The following RFC4 variants were observed in gnomAD, a reference collection of about 807,000 sequenced individuals.
The protein encoded by RFC4 is replication factor C subunit 4, also known as A1 37 kDa subunit.
A neutral mutation model predicts 47.6 loss-of-function variants in RFC4; 38 were observed. The ratio of observed to expected loss-of-function variants is 0.80; its 90% CI spans 0.62 to 1.05. The LOEUF (loss-of-function observed/expected upper bound fraction) is 1.05. Ranked by LOEUF, RFC4 falls within the 50% of genes least tolerant of loss-of-function variation. The pLI is 0.00. For missense variants in RFC4, 489 were observed against 434.0 expected (o/e 1.13, Z -1.13); for synonymous variants, 164 against 150.0 (o/e 1.09, Z -0.68).
chr3:186,801,696 G>GC (rs1722357097), intron 2 of RFC4, among the ~76,000 whole-genome samples: 1 of 133,650 alleles, frequency 7.5e-6, no homozygotes, highest in Non-Finnish European at 1.6e-5. Context: ...GGGTGACAGA[G>GC]GGAGACTCTG....
chr3:186,790,667 C>G (rs1056287982), intron 8 of RFC4, among the ~76,000 whole-genome samples: 5 of 152,184 alleles, frequency 3.3e-5, no homozygotes, highest in Non-Finnish European at 7.3e-5. Flanking sequence ...ATAGCTTGTT[C>G]TGGTCAGTGG....
intron 2 of RFC4, among the ~76,000 whole-genome samples, chr3:186,802,667 C>T (rs532282836): frequency 4.6e-5 from 7 of 152,014 alleles, no homozygotes; most frequent in Non-Finnish European, 1.0e-4. Context: ...GCTTAGTTAA[C>T]TAATCAAAAG....
At position 186,794,794 on chromosome 3, in the gene RFC4, C is replaced by T. The variant is rs376508312; in HGVS notation, c.291-17G>A. 6 of 1,612,712 alleles carry T rather than the reference C, an allele frequency of 3.7e-6. No homozygotes were observed. The highest frequency in any genetic ancestry group is 1.3e-5 in the African/African-American group (1 of 74,824). On this transcript the variant is annotated splice_polypyrimidine_tract_variant and intron_variant, in intron 4 of 10. Coordinates refer to ENST00000296273, the MANE Select transcript of RFC4 (RefSeq NM_002916.5). The stretch of plus-strand genomic sequence containing the variant: ...AGTTCAGGCCTATCTCAAAATGAAA[C>T]AAATATGAAACATAGAGCACAAGTA...
chr3:186,790,651 T>C (rs563679851), intron 8 of RFC4, among the ~76,000 whole-genome samples: 14 of 152,238 alleles, frequency 9.2e-5, no homozygotes, highest in African/African-American at 3.4e-4. Context: ...TGGGCACACA[T>C]GGATTATAGC....
rs1370969337 is a variant in RFC4, at chr3:186,804,788, T to G, written c.-11-64A>C. 2.0e-6 allele frequency: 3 copies of G among 1,513,304 alleles called. No homozygotes were observed. In the African/African-American group the frequency reaches 4.2e-5, roughly 21 times the overall value. The allele number at this position is 1,513,304 out of a possible 1,614,324, so 93.7% of individuals were successfully genotyped here. ...AAACTTTTATTGCGAATCAGCACCA[T>G]AGGAAAGCGGGGGTGGTGGTGGGGA... On this transcript the variant is annotated intron_variant, in intron 1 of 10. Transcript: ENST00000296273.
intron 3 of RFC4, among the ~76,000 whole-genome samples, chr3:186,799,543 T>A (rs1010176274): frequency 6.6e-6 from 1 of 152,074 alleles, no homozygotes; most frequent in Non-Finnish European, 1.5e-5. Context: ...CTAAACACCA[T>A]CTCTACTAAA....
intron 2 of RFC4, among the ~76,000 whole-genome samples, chr3:186,804,331 A>G (rs1414475322): frequency 1.3e-5 from 2 of 152,110 alleles, no homozygotes; most frequent in African/African-American, 2.4e-5. Context: ...TCTGTATCCC[A>G]GCCCCTAAAA....
intron 4 of RFC4, among the ~76,000 whole-genome samples, chr3:186,797,085 C>T (rs1178917164): frequency 6.6e-6 from 1 of 152,162 alleles, no homozygotes; most frequent in African/African-American, 2.4e-5. Context: ...GGACTGGCCA[C>T]TCCAGAGTCA....
At chr3:186,791,921 T>G in intron 7 of RFC4, 71 bp from the exon 8 acceptor site, 1 of 1,358,728 alleles carries the variant, frequency 7.4e-7, no homozygotes, top group Non-Finnish European at 1.0e-6. Context: ...TTTAAAATGT[T>G]TAATAAAAGT....
intron 4 of RFC4, 186 bp from the exon 5 acceptor site, chr3:186,794,963 C>T (rs1722213993): frequency 3.4e-6 from 2 of 592,498 alleles, no homozygotes; most frequent in Admixed American, 3.5e-5. Flanking sequence ...TTTTTCCATG[C>T]ATTTAAAAAA....
intron 3 of RFC4, among the ~76,000 whole-genome samples, chr3:186,799,623 G>A (rs1722310528): frequency 1.3e-5 from 2 of 152,056 alleles, no homozygotes; most frequent in Non-Finnish European, 2.9e-5. Flanking sequence ...TGAGGTGGGA[G>A]GATCACTTGA....
chr3:186,790,283 T>C lies in RFC4; in HGVS notation c.883-28A>G, dbSNP rs773086106. On this transcript the variant is annotated intron_variant, in intron 9 of 10. Coordinates refer to ENST00000296273, the MANE Select transcript of RFC4 (RefSeq NM_002916.5). Reference sequence around the variant, plus strand: ...ATAATAAAAAAAACTTTTGGTATGATGACTTAATATTCCTTTCCCCAAAGT... The same window carrying C: ...ATAATAAAAAAAACTTTTGGTATGACGACTTAATATTCCTTTCCCCAAAGT... 58 of 1,610,604 alleles carry C rather than the reference T, an allele frequency of 3.6e-5. 1 individual carries two copies. In the South Asian group the frequency reaches 4.4e-4, roughly 12 times the overall value.
At chr3:186,804,390 G>T (rs1038043370) in intron 2 of RFC4, among the ~76,000 whole-genome samples, 193 bp downstream of exon 2, 1 of 151,690 alleles carries the variant, frequency 6.6e-6, no homozygotes, top group African/African-American at 2.4e-5. Flanking sequence ...AAATAAGGGA[G>T]TTAAACTAGA....
At chr3:186,791,481 A>G in intron 8 of RFC4, 1 of 461,526 alleles carries the variant, frequency 2.2e-6, no homozygotes. Context: ...AAAAAAAAAA[A>G]ACAAAAAAAC....
In RFC4 at chr3:186,804,924, G is replaced by A; in HGVS notation, c.-11-200C>T. On this transcript the variant is annotated intron_variant, in intron 1 of 10. Coordinates refer to ENST00000296273, the MANE Select transcript of RFC4 (RefSeq NM_002916.5). ...GACACTCTGAATGCACTGTACTGAG[G>A]GCTACAAGAACAGAAAAGTGGTCAA... The A allele has an allele frequency of 6.9e-6, 3 of 432,786 alleles. No homozygotes were observed. The South Asian group carries it at 1.9e-4, about 28-fold the overall frequency. The allele number at this position is 432,786 out of a possible 1,614,324, so 26.8% of individuals were successfully genotyped here. A position where few individuals can be genotyped will look rare whatever the true frequency, so the allele number is the denominator to read the frequency against.
rs766629364 is a variant in RFC4, at chr3:186,804,655, C to T, written c.59G>A (p.Arg20Gln). 15 of 1,613,958 alleles carry T rather than the reference C, an allele frequency of 9.3e-6. No homozygotes were observed. Among genetic ancestry groups the T allele is most frequent in the African/African-American group, 2.7e-5 (2 of 74,894 alleles). ...ACTTCCCGCACTGGCAGCTACTCCT[C>T]GATCCTTGGTCAGCGGGGGTTTAGT... ...ISTKPPLTKDRGVAASAGSSG... is the reference protein window; with the variant it reads ...ISTKPPLTKDQGVAASAGSSG... Residue 20 changes from arginine (R) to glutamine (Q), a missense_variant, in exon 2 of 11, where the codon CGA becomes CAA. Physicochemically the swap from Arg to Gln is conservative, Grantham distance 43. Around this residue, in one of 2 missense-constraint regions of RFC4, gnomAD observed 206 missense variants for 257.8 expected, o/e 0.80. Coordinates refer to ENST00000296273, the MANE Select transcript of RFC4 (RefSeq NM_002916.5).
chr3:186,802,344 AT>A (rs1722376581), intron 2 of RFC4, among the ~76,000 whole-genome samples: 2 of 152,126 alleles, frequency 1.3e-5, no homozygotes, highest in Admixed American at 6.6e-5. Context: ...AAAAAAAAGC[AT>A]TGTTCCACTT....
intron 2 of RFC4, among the ~76,000 whole-genome samples, chr3:186,803,291 T>C (rs1298060653): frequency 6.6e-6 from 1 of 151,752 alleles, no homozygotes; most frequent in African/African-American, 2.4e-5. Context: ...TGCAGTGAGC[T>C]GACATTGCGC....
intron 4 of RFC4, among the ~76,000 whole-genome samples, chr3:186,795,747 C>T (rs3917122): frequency 0.01 from 1,590 of 152,138 alleles, 22 homozygotes; most frequent in East Asian, 0.072. Flanking sequence ...GAGCCGAGAT[C>T]GCACCACTGC....
Sources: gnomAD v4.1 joint callset for allele counts (sites outside exome capture counted in the v4.1 genomes callset) on GRCh38, gnomAD v4.1.1 for gene constraint, gnomAD v4.1.1 regional missense constraint, MANE v1.5 for transcripts, NCBI Gene and HGNC (gene_info 2026-07-23, HGNC 2026-07-21) for gene names.